Variants in GALNT13 observed in about 807,000 individuals in gnomAD.
The protein encoded by GALNT13 is UDP-GalNAc:polypeptide N-acetylgalactosaminyltransferase 13.
A neutral mutation model predicts 64.2 loss-of-function variants in GALNT13; 28 were observed. That is an observed-to-expected ratio of 0.44 (90% CI 0.32 to 0.60). The LOEUF is 0.60. Among genes scored for constraint, GALNT13 ranks in the 20% least tolerant of loss-of-function variants. The pLI, the probability that GALNT13 is intolerant of heterozygous loss-of-function variation, is 0.05. For missense variants in GALNT13, 577 were observed against 669.8 expected (o/e 0.86, Z 1.53); for synonymous variants, 214 against 224.6 (o/e 0.95, Z 0.42).
the GALNT13 span, among the ~76,000 whole-genome samples, chr2:153,541,922 T>G: frequency 6.6e-6 from 1 of 152,234 alleles, no homozygotes; most frequent in Non-Finnish European, 1.5e-5. Flanking sequence ...CCTTTTCTCC[T>G]ATCCATCTGC....
chr2:153,900,571 T>C lies in GALNT13; in HGVS notation c.-176-365T>C, dbSNP rs540221828. 1.1e-3 allele frequency among the ~76,000 whole-genome samples: 167 copies of C among 152,294 alleles called. 2 individuals carry two copies. The highest frequency in any genetic ancestry group is 1.5e-3 in the Non-Finnish European group (105 of 68,022). On this transcript the variant is annotated intron_variant, in intron 1 of 12. Coordinates refer to ENST00000392825, the MANE Select transcript of GALNT13 (RefSeq NM_052917.4). ...TTAAAAACTTGAAATATTTGAATAA[T>C]CACCTCAACTCTCCACGTATATTTA...
intron 2 of GALNT13, among the ~76,000 whole-genome samples, chr2:153,938,646 C>A (rs1337438529): frequency 1.3e-5 from 2 of 152,142 alleles, no homozygotes; most frequent in Non-Finnish European, 1.5e-5. Flanking sequence ...TTTCTGGAGG[C>A]TAGAAGTCCA....
the GALNT13 span, among the ~76,000 whole-genome samples, chr2:153,801,848 G>A: frequency 4.6e-5 from 7 of 152,096 alleles, no homozygotes; most frequent in African/African-American, 1.7e-4. Context: ...TGTATTTATT[G>A]TTTCCACTTA....
At chr2:153,437,772 CTT>C in the GALNT13 span, among the ~76,000 whole-genome samples, 5 of 152,122 alleles carry the variant, frequency 3.3e-5, no homozygotes, top group South Asian at 6.2e-4. Flanking sequence ...GATCTTGACT[CTT>C]TATCCAATTT....
rs1425784502 is a variant in GALNT13 at position 153,900,924 on chromosome 2, C to G, written c.-176-12C>G. 6.6e-6 allele frequency: 1 copy of G among 152,050 alleles called. No individual in the cohort carries two copies. Among genetic ancestry groups the G allele is most frequent in the Non-Finnish European group, 1.5e-5 (1 of 67,978 alleles). The allele number at this position is 152,050 out of a possible 1,614,324, so 9.4% of individuals were successfully genotyped here. A position where few individuals can be genotyped will look rare whatever the true frequency, so the allele number is the denominator to read the frequency against. ...AATTGTTTACTCTTTTGGATTTTTT[C>G]TTCCTCCACAGATGCATTTTTGTAG... is the stretch of plus-strand genomic sequence containing the variant. On this transcript the variant is annotated splice_polypyrimidine_tract_variant and intron_variant, in intron 1 of 12. Transcript: ENST00000392825.
At chr2:153,444,076 A>G in the GALNT13 span, among the ~76,000 whole-genome samples, 10 of 152,198 alleles carry the variant, frequency 6.6e-5, no homozygotes, top group South Asian at 2.1e-3. Flanking sequence ...ACCTACCTAT[A>G]TGTTTGTCCA....
the GALNT13 span, among the ~76,000 whole-genome samples, chr2:153,183,355 G>T: frequency 6.6e-6 from 1 of 151,774 alleles, no homozygotes; most frequent in African/African-American, 2.4e-5. Context: ...TAAGTTCTTT[G>T]TTGACTCTAG....
chr2:153,647,997 G>T, the GALNT13 span, among the ~76,000 whole-genome samples: 1 of 152,102 alleles, frequency 6.6e-6, no homozygotes, highest in Non-Finnish European at 1.5e-5. Flanking sequence ...TTCCAATTCT[G>T]TGAAGAAAGT....
intron 3 of GALNT13, among the ~76,000 whole-genome samples, chr2:154,020,376 T>C (rs946144620): frequency 5.9e-5 from 9 of 152,316 alleles, no homozygotes; most frequent in African/African-American, 1.7e-4. Flanking sequence ...TTCCTGACTT[T>C]TTAATGATCA....
At chr2:154,395,340 A>G (rs1176199406) in intron 9 of GALNT13, among the ~76,000 whole-genome samples, 1 of 152,170 alleles carries the variant, frequency 6.6e-6, no homozygotes, top group Non-Finnish European at 1.5e-5. Flanking sequence ...ATATTCTATT[A>G]TGTGAAATAA....
At chr2:153,097,241 A>G in the GALNT13 span, among the ~76,000 whole-genome samples, 20 of 152,082 alleles carry the variant, frequency 1.3e-4, 1 homozygote, top group Admixed American at 1.1e-3. Flanking sequence ...AATTGTTGTA[A>G]TTATTATTTT....
intron 3 of GALNT13, among the ~76,000 whole-genome samples, chr2:154,134,924 T>G (rs1393658491): frequency 6.6e-6 from 1 of 152,188 alleles, no homozygotes; most frequent in Non-Finnish European, 1.5e-5. Flanking sequence ...AGGTGGAGGT[T>G]GCAGTGAGCT....
the GALNT13 span, chr2:153,478,524 C>T: frequency 3.7e-6 from 6 of 1,602,750 alleles, no homozygotes; most frequent in African/African-American, 1.3e-5. Context: ...TGGCCAGGAA[C>T]AGGCCCGCCA....
intron 2 of GALNT13, among the ~76,000 whole-genome samples, chr2:153,932,724 T>G (rs1169039817): frequency 1.3e-5 from 2 of 150,510 alleles, no homozygotes; most frequent in Non-Finnish European, 3.0e-5. Context: ...GCCTCCTGGG[T>G]TCAAGCGATT....
the GALNT13 span, among the ~76,000 whole-genome samples, chr2:153,178,339 T>C: frequency 6.6e-6 from 1 of 152,190 alleles, no homozygotes; most frequent in African/African-American, 2.4e-5. Flanking sequence ...TGTACAATGG[T>C]TCCCTTTTCT....
chr2:153,387,889 G>C, the GALNT13 span, among the ~76,000 whole-genome samples: 152,071 of 152,180 alleles, frequency 1, 75,984 homozygotes, highest in Non-Finnish European at 1. Context: ...ATAACACATG[G>C]TACAGTAGTA....
chr2:153,649,722 ACCC>A, the GALNT13 span, among the ~76,000 whole-genome samples: 1 of 152,110 alleles, frequency 6.6e-6, no homozygotes, highest in Admixed American at 6.6e-5. Flanking sequence ...TTCATTATGT[ACCC>A]AGTAGTCATT....
the GALNT13 span, among the ~76,000 whole-genome samples, chr2:153,679,503 A>G: frequency 6.6e-6 from 1 of 151,916 alleles, no homozygotes; most frequent in African/African-American, 2.4e-5. Flanking sequence ...ATGTACATGC[A>G]TTATGCATAG....
At chr2:153,809,003 T>C in the GALNT13 span, among the ~76,000 whole-genome samples, 1 of 152,198 alleles carries the variant, frequency 6.6e-6, no homozygotes, top group Non-Finnish European at 1.5e-5. Flanking sequence ...TAGTCACTAA[T>C]CTTTTGTGGG....
Sources: gnomAD v4.1 joint callset for allele counts (sites outside exome capture counted in the v4.1 genomes callset) on GRCh38, gnomAD v4.1.1 for gene constraint, MANE v1.5 for transcripts, NCBI Gene and HGNC (gene_info 2026-07-23, HGNC 2026-07-21) for gene names.